Variants in CACNA1A observed in about 807,000 individuals in gnomAD.
CACNA1A encodes voltage-dependent P/Q-type calcium channel subunit alpha-1A.
Under a neutral mutation model 262.4 loss-of-function variants are expected in CACNA1A, and 57 were observed. The ratio of observed to expected loss-of-function variants is 0.22; its 90% confidence interval spans 0.18 to 0.27. The LOEUF (loss-of-function observed/expected upper bound fraction) is 0.27. CACNA1A is among the 10% of genes least tolerant of loss of function. CACNA1A has a pLI of 1.00. For missense variants in CACNA1A, 2,526 were observed against 3,562.8 expected, an observed-to-expected ratio of 0.71 and a Z score of 7.41; for synonymous variants, 1,431 against 1,419.3, an observed-to-expected ratio of 1.01 and a Z score of -0.18.
intron 3 of CACNA1A, among the ~76,000 whole-genome samples, chr19:13,437,078 AG>A (rs1439295322): frequency 1.3e-5 from 2 of 152,238 alleles, no homozygotes; most frequent in African/African-American, 4.8e-5. Flanking sequence ...TCTCAGACAC[AG>A]GCACACAGCA....
Position 13,309,931 on chromosome 19 carries a change from T to C in CACNA1A, c.1669-1403A>G, listed in dbSNP as rs12975301. Among the ~76,000 whole-genome samples, 5 of 152,158 alleles carry C rather than the reference T, an allele frequency of 3.3e-5. No individual in the cohort carries two copies. The South Asian group carries it at 1.0e-3, about 32-fold the overall frequency. On this transcript the variant is annotated intron_variant, in intron 12 of 46. Coordinates refer to ENST00000360228, the MANE Select transcript of CACNA1A (RefSeq NM_001127222.2). ...ACCTCTATCAAGTTCCAAAACATTT[T>C]CATCACCCCCAAAGGAGGCCCTGTC... is the stretch of plus-strand genomic sequence containing the variant.
intron 6 of CACNA1A, among the ~76,000 whole-genome samples, chr19:13,349,461 C>T (rs777376095): frequency 1.3e-5 from 2 of 152,160 alleles, no homozygotes; most frequent in Admixed American, 6.5e-5. Context: ...AGAGTGGAGA[C>T]AATTTCTGGC....
In CACNA1A at chr19:13,312,722, C is replaced by T. The variant is rs2145030587; in HGVS notation, c.1615G>A (p.Gly539Arg). Residue 539 changes from glycine (G) to arginine (R), a missense_variant, in exon 12 of 47, where the codon GGG becomes AGG. Transcript: ENST00000360228. ...TGGAAGTAAGGCCGCGTCCCAAGCC[C>T]GTACATTTTTATAAACATTTCGGAC... is the stretch of plus-strand genomic sequence containing the variant. ...FMSEMFIKMY[G>R]LGTRPYFHSS... 2 of 1,595,620 alleles carry T rather than the reference C, an allele frequency of 1.3e-6. No homozygotes were observed. Among genetic ancestry groups the T allele is most frequent in the Non-Finnish European group, 1.7e-6 (2 of 1,172,778 alleles).
chr19:13,424,130 C>T (rs564935000), intron 3 of CACNA1A, among the ~76,000 whole-genome samples: 7 of 152,246 alleles, frequency 4.6e-5, no homozygotes, highest in African/African-American at 1.2e-4. Flanking sequence ...TGGCAGATCG[C>T]CTGAGGTCAG....
Position 13,207,337 on chromosome 19 carries a change from G to T in CACNA1A, c.7497C>A (p.Ser2499Arg). The T allele has an allele frequency of 1.3e-6, 2 of 1,561,694 alleles. No individual in the cohort carries two copies. Among genetic ancestry groups the T allele is most frequent in the East Asian group, 2.3e-5 (1 of 42,638 alleles). ...CTTAGCACCAATCATCGTCACTCTC[G>T]CTGTAGGGTTCGTGCAGGCCCTTCC... ...GSRKGLHEPYSESDDDWC is the reference protein window; with the variant it reads ...GSRKGLHEPYRESDDDWC Residue 2499 changes from serine (S) to arginine (R), a missense_variant, in exon 47 of 47, where the codon AGC becomes AGA. By Grantham distance (110) the Ser-to-Arg change is moderately radical. This residue lies in a region of CACNA1A where 929 missense variants were observed against 868.1 expected (regional missense o/e 1.07). Transcript: ENST00000360228. This position sits in a 1 kb window ranked among gnomAD's most constrained non-coding sequence, Gnocchi z 5.7.
chr19:13,313,498 TAAAA>T (rs1007419624), intron 11 of CACNA1A, among the ~76,000 whole-genome samples: 1 of 65,710 alleles, frequency 1.5e-5, no homozygotes, highest in East Asian at 5.4e-4. Flanking sequence ...AGACCTTGTC[TAAAA>T]AAAAAAAAAA....
intron 30 of CACNA1A, chr19:13,245,695 G>A (rs1432312631): frequency 7.4e-6 from 1 of 135,364 alleles, no homozygotes; most frequent in African/African-American, 3.0e-5. Context: ...TTTTTGAGAT[G>A]GAGTCTCGCT....
rs1316305190 is a variant in CACNA1A at position 13,259,554 on chromosome 19, G to C, written c.4388+10C>G. On this transcript the variant is annotated intron_variant, in intron 27 of 46. Coordinates refer to ENST00000360228, the MANE Select transcript of CACNA1A (RefSeq NM_001127222.2). Reference sequence around the variant, plus strand: ...CTCCTCCTGGATAGATTTCCAGTCGGGCCACTTACTGTGGCCAGCCTTCTC... The same window carrying C: ...CTCCTCCTGGATAGATTTCCAGTCGCGCCACTTACTGTGGCCAGCCTTCTC... 6.3e-7 allele frequency: 1 copy of C among 1,597,944 alleles called. No individual in the cohort carries two copies.
In CACNA1A at chr19:13,371,765, A is replaced by G. The variant is rs1470180080; in HGVS notation, c.554T>C (p.Val185Ala). The G allele has an allele frequency of 6.4e-7, 1 of 1,573,274 alleles. No individual in the cohort carries two copies. Among genetic ancestry groups the G allele is most frequent in the Non-Finnish European group, 8.6e-7 (1 of 1,159,354 alleles). ...CGTCCGTAGGTCAAACTCCGTCCCA[A>G]CTGTCGCCAAGATGCTGAAAGAAAG... ...VVVLTGILAT[V>A]GTEFDLRTLR... The change falls in exon 4 of 47, where the codon GTT becomes GCT. Residue 185 changes from valine (V) to alanine (A), a missense_variant. By Grantham distance (64) the Val-to-Ala change is moderately conservative. Coordinates refer to ENST00000360228, the MANE Select transcript of CACNA1A (RefSeq NM_001127222.2).
intron 3 of CACNA1A, among the ~76,000 whole-genome samples, chr19:13,426,869 C>A (rs113717980): frequency 1.2e-4 from 18 of 152,174 alleles, no homozygotes; most frequent in East Asian, 3.8e-4. Context: ...GAATGGTGTC[C>A]TCTCTCTGCC....
chr19:13,505,520 C>T (rs551615042), intron 1 of CACNA1A, among the ~76,000 whole-genome samples: 2 of 152,242 alleles, frequency 1.3e-5, no homozygotes, highest in South Asian at 2.1e-4. Flanking sequence ...CCAACCAAGG[C>T]CCCCATAGTT....
At chr19:13,307,898 T>C (rs751777824) in intron 14 of CACNA1A, 44 bp from the exon 15 acceptor site, 1 of 1,557,326 alleles carries the variant, frequency 6.4e-7, no homozygotes, top group Non-Finnish European at 8.9e-7. Flanking sequence ...CCACCCGGGG[T>C]GCTCTGAGGG....
At chr19:13,354,903 C>G (rs1275385236) in intron 6 of CACNA1A, among the ~76,000 whole-genome samples, 1 of 134,912 alleles carries the variant, frequency 7.4e-6, no homozygotes, top group Non-Finnish European at 1.5e-5. Flanking sequence ...GAGACGGAGT[C>G]TCATTCTGTC....
intron 3 of CACNA1A, among the ~76,000 whole-genome samples, chr19:13,411,190 T>C (rs1358785235): frequency 1.3e-5 from 2 of 152,226 alleles, no homozygotes; most frequent in East Asian, 3.9e-4. Context: ...TATCCATCAG[T>C]AGGCACTTCA....
At position 13,409,697 on chromosome 19, in the gene CACNA1A, C is replaced by T. The variant is rs143293333; in HGVS notation, c.540-37918G>A. Among the ~76,000 whole-genome samples, 372 of 152,234 alleles carry T rather than the reference C, an allele frequency of 2.4e-3. 1 individual carries two copies. The highest frequency in any genetic ancestry group is 8.7e-3 in the African/African-American group (361 of 41,550). On this transcript the variant is annotated intron_variant, in intron 3 of 46. Coordinates refer to ENST00000360228, the MANE Select transcript of CACNA1A (RefSeq NM_001127222.2). ...AATAGCTGGGACTACGTGCATGCCA[C>T]TATACCTGGCTAGTTTTTGTATTTT...
At chr19:13,295,067 C>G (rs142149900) in intron 19 of CACNA1A, among the ~76,000 whole-genome samples, 1 of 152,292 alleles carries the variant, frequency 6.6e-6, no homozygotes, top group Non-Finnish European at 1.5e-5. Flanking sequence ...GCCCTGAGAC[C>G]CTGGGAGCAG....
intron 1 of CACNA1A, among the ~76,000 whole-genome samples, chr19:13,479,767 C>T (rs192943613): frequency 6.6e-6 from 1 of 152,026 alleles, no homozygotes; most frequent in Non-Finnish European, 1.5e-5. Flanking sequence ...AAAAGACAGA[C>T]CAACAGAGAG....
intron 3 of CACNA1A, among the ~76,000 whole-genome samples, chr19:13,445,926 C>T (rs146794336): frequency 3.3e-5 from 5 of 152,232 alleles, no homozygotes; most frequent in East Asian, 1.9e-4. Flanking sequence ...AAATGAATCA[C>T]GTTTTAACGC....
chr19:13,347,459 T>C (rs1018911238), intron 6 of CACNA1A, among the ~76,000 whole-genome samples: 1 of 152,098 alleles, frequency 6.6e-6, no homozygotes, highest in African/African-American at 2.4e-5. Flanking sequence ...CACCACCCTC[T>C]AACACTATCT....
Sources: allele counts gnomAD v4.1 joint callset (sites outside exome capture counted in the v4.1 genomes callset), GRCh38; gene constraint gnomAD v4.1.1; regional missense constraint gnomAD v4.1.1; non-coding constraint Gnocchi (gnomAD v3.1); transcripts MANE v1.5; gene names NCBI Gene and HGNC (gene_info 2026-07-23, HGNC 2026-07-21).